Variants in PPFIA1 observed in about 807,000 individuals in gnomAD.
PPFIA1 encodes liprin-alpha-1.
Under a neutral mutation model 149.9 loss-of-function variants are expected in PPFIA1, and 25 were observed. The observed-to-expected ratio is 0.17, with a 90% CI of 0.12 to 0.23. The LOEUF (loss-of-function observed/expected upper bound fraction) is 0.23. Among genes scored for constraint, PPFIA1 ranks in the 10% least tolerant of loss-of-function variants. PPFIA1 has a pLI of 1.00. For synonymous variants in PPFIA1, 549 were observed against 552.8 expected (o/e 0.99, Z 0.10); for missense variants, 1,362 against 1,506.5 (o/e 0.90, Z 1.59).
chr11:70,315,556 C>T (rs2053556611), intron 2 of PPFIA1, among the ~76,000 whole-genome samples: 1 of 152,084 alleles, frequency 6.6e-6, no homozygotes, highest in Non-Finnish European at 1.5e-5. Context: ...GTAGCTTCTA[C>T]TGCCTGAAGA....
intron 2 of PPFIA1, among the ~76,000 whole-genome samples, chr11:70,318,583 C>T (rs1459713107): frequency 1.3e-5 from 2 of 152,226 alleles, no homozygotes; most frequent in East Asian, 1.9e-4. Context: ...TGTTTTTCTT[C>T]CCCTTTACTG....
chr11:70,346,200 G>C (rs1316006324), intron 15 of PPFIA1, among the ~76,000 whole-genome samples: 1 of 152,160 alleles, frequency 6.6e-6, no homozygotes, highest in African/African-American at 2.4e-5. Context: ...TGACCAGGGG[G>C]TGCCTGGGAT....
intron 7 of PPFIA1, 29 bp from the exon 8 acceptor site, chr11:70,330,144 T>C (rs1565403067): frequency 6.5e-7 from 1 of 1,547,278 alleles, no homozygotes; most frequent in East Asian, 2.3e-5. Context: ...TTACCTACTT[T>C]TTTGTCCCCT....
intron 21 of PPFIA1, among the ~76,000 whole-genome samples, chr11:70,363,900 ATT>A (rs1163949150): frequency 8.6e-5 from 13 of 151,494 alleles, no homozygotes; most frequent in Admixed American, 7.9e-4. Flanking sequence ...GAATTTTTGT[ATT>A]TTTTGTAGAG....
chr11:70,346,168 T>C (rs886328008), intron 15 of PPFIA1, among the ~76,000 whole-genome samples: 2 of 152,394 alleles, frequency 1.3e-5, no homozygotes, highest in Non-Finnish European at 2.9e-5. Context: ...CCACGCTGGC[T>C]TGGCCTAGGG....
intron 25 of PPFIA1, among the ~76,000 whole-genome samples, chr11:70,376,872 G>A (rs1282383355): frequency 6.6e-6 from 1 of 152,290 alleles, no homozygotes; most frequent in African/African-American, 2.4e-5. Context: ...AGGAGTTTAA[G>A]ACCAGCCCGG....
At chr11:70,311,921 G>A (rs2053312069) in intron 2 of PPFIA1, among the ~76,000 whole-genome samples, 1 of 137,904 alleles carries the variant, frequency 7.3e-6, no homozygotes, top group Non-Finnish European at 1.5e-5. Context: ...ACAGCTCACT[G>A]CAGCTTCAAC....
At chr11:70,339,626 G>GT (rs11323721) in intron 14 of PPFIA1, among the ~76,000 whole-genome samples, 312 of 142,444 alleles carry the variant, frequency 2.2e-3, no homozygotes, top group Non-Finnish European at 2.7e-3. Flanking sequence ...GGCCTCTGTA[G>GT]TTTTTTTTTT....
At chr11:70,328,247 G>T (rs893831150) in intron 7 of PPFIA1, among the ~76,000 whole-genome samples, 3 of 152,012 alleles carry the variant, frequency 2.0e-5, no homozygotes, top group Non-Finnish European at 4.4e-5. Flanking sequence ...TCCACCCTTT[G>T]ATAGGCCCCA....
chr11:70,283,972 T>C (rs2050936342), intron 2 of PPFIA1: 1 of 532,880 alleles, frequency 1.9e-6, no homozygotes, highest in Non-Finnish European at 3.9e-6. Context: ...CAAGTATTGC[T>C]GTTAGGTTGG....
intron 11 of PPFIA1, 91 bp from the exon 12 acceptor site, chr11:70,337,274 T>G: frequency 2.3e-6 from 2 of 880,072 alleles, no homozygotes; most frequent in South Asian, 3.9e-5. Flanking sequence ...TCCCTTTGTG[T>G]GGTCCTTTTT....
At chr11:70,365,084 A>G (rs1450892979) in intron 21 of PPFIA1, 4 of 172,280 alleles carry the variant, frequency 2.3e-5, no homozygotes, top group Non-Finnish European at 3.7e-5. Context: ...GAATTACTCA[A>G]AGTTTCCAGA....
chr11:70,311,983 C>T (rs1213006718), intron 2 of PPFIA1, among the ~76,000 whole-genome samples: 1 of 151,312 alleles, frequency 6.6e-6, no homozygotes, highest in South Asian at 2.1e-4. Context: ...GCAGGGACTA[C>T]AGGCATGCAC....
chr11:70,350,375 A>G (rs991044967), intron 16 of PPFIA1, among the ~76,000 whole-genome samples: 1 of 152,208 alleles, frequency 6.6e-6, no homozygotes, highest in Admixed American at 6.5e-5. Flanking sequence ...AGTCTCATCA[A>G]CTATCTCTAA....
At chr11:70,321,594 CAA>C (rs1489677919) in intron 2 of PPFIA1, among the ~76,000 whole-genome samples, 1 of 151,868 alleles carries the variant, frequency 6.6e-6, no homozygotes. Flanking sequence ...CAAAAGGAAA[CAA>C]GAGTAAGAAG....
chr11:70,312,640 C>T (rs369174320), intron 2 of PPFIA1, among the ~76,000 whole-genome samples: 1 of 152,224 alleles, frequency 6.6e-6, no homozygotes, highest in East Asian at 1.9e-4. Flanking sequence ...GCCTGTGCCG[C>T]CTCAACATCG....
intron 2 of PPFIA1, among the ~76,000 whole-genome samples, chr11:70,316,591 T>C (rs1328641267): frequency 6.7e-6 from 1 of 149,738 alleles, no homozygotes; most frequent in African/African-American, 2.5e-5. Context: ...CCACGTGAGG[T>C]TGGGGACCAT....
intron 2 of PPFIA1, among the ~76,000 whole-genome samples, chr11:70,319,475 C>T (rs996202843): frequency 5.9e-5 from 9 of 152,212 alleles, no homozygotes; most frequent in Non-Finnish European, 1.0e-4. Flanking sequence ...TTCAGATCCT[C>T]ATTAATCCCT....
chr11:70,277,037 G>GGT (rs1289609024), intron 2 of PPFIA1, among the ~76,000 whole-genome samples: 1 of 79,208 alleles, frequency 1.3e-5, no homozygotes. Flanking sequence ...GTTTGATTGA[G>GGT]ATATATATAT....
Sources: allele counts gnomAD v4.1 joint callset (sites outside exome capture counted in the v4.1 genomes callset), GRCh38; gene constraint gnomAD v4.1.1; transcripts MANE v1.5; gene names NCBI Gene and HGNC (gene_info 2026-07-23, HGNC 2026-07-21).